ROR2: variants seen among roughly 807,000 people sequenced by gnomAD.
The protein encoded by ROR2 is ROR family WNT receptor 2.
ROR2 carries 33 observed loss-of-function variants against 74.9 expected under a neutral mutation model. The ratio of observed to expected loss-of-function variants is 0.44; its 90% confidence interval spans 0.33 to 0.59. The LOEUF (loss-of-function observed/expected upper bound fraction) is 0.59, where lower values mean the gene tolerates loss of function less well. Among genes scored for constraint, ROR2 ranks in the 20% least tolerant of loss-of-function variants. The pLI, the probability that ROR2 is intolerant of heterozygous loss-of-function variation, is 0.02. For missense variants in ROR2, 1,216 were observed against 1,313.8 expected (o/e 0.93, Z 1.15); for synonymous variants, 586 against 558.7 (o/e 1.05, Z -0.69).
At chr9:91,728,456 A>C (rs933246062) in intron 7 of ROR2, among the ~76,000 whole-genome samples, 2 of 152,152 alleles carry the variant, frequency 1.3e-5, no homozygotes, top group Non-Finnish European at 2.9e-5. Flanking sequence ...TTTGAGATGG[A>C]GTCTCGCTCT....
intron 1 of ROR2, among the ~76,000 whole-genome samples, chr9:91,818,715 G>A (rs1273177472): frequency 6.6e-6 from 1 of 152,180 alleles, no homozygotes; most frequent in Non-Finnish European, 1.5e-5. Context: ...AGAACAGAGT[G>A]GGCTCAGGGG....
At chr9:91,854,821 T>C (rs1018396970) in intron 1 of ROR2, among the ~76,000 whole-genome samples, 1 of 152,224 alleles carries the variant, frequency 6.6e-6, no homozygotes, top group African/African-American at 2.4e-5. Context: ...AAGGTTTGAA[T>C]GGTAGAGTGC....
At chr9:91,879,881 C>T (rs922968670) in intron 1 of ROR2, among the ~76,000 whole-genome samples, 1 of 152,018 alleles carries the variant, frequency 6.6e-6, no homozygotes, top group Non-Finnish European at 1.5e-5. Context: ...GAGCTTTTTG[C>T]CTCTGCTTGC....
chr9:91,786,830 A>C (rs756572251), intron 1 of ROR2, among the ~76,000 whole-genome samples: 1 of 152,168 alleles, frequency 6.6e-6, no homozygotes, highest in Non-Finnish European at 1.5e-5. Context: ...GCTGACTATA[A>C]CTGCAGTCAA....
At position 91,907,081 on chromosome 9, in the gene ROR2, T is replaced by C. The variant is rs540749279; in HGVS notation, c.97+42786A>G. ...ATTGGATTTCATCTATCTTTTTTTT[T>C]AATTGAGGGAGACAAATTGGCAGGG... On this transcript the variant is annotated intron_variant, in intron 1 of 8. Transcript: ENST00000375708. 9.9e-5 allele frequency among the ~76,000 whole-genome samples: 15 copies of C among 152,254 alleles called. No homozygotes were observed. The East Asian group carries it at 2.3e-3, about 23-fold the overall frequency.
At chr9:91,922,655 A>C (rs1391317441) in intron 1 of ROR2, among the ~76,000 whole-genome samples, 1 of 152,030 alleles carries the variant, frequency 6.6e-6, no homozygotes, top group Non-Finnish European at 1.5e-5. Context: ...GGATTTCACC[A>C]TGTTAGTCAG....
intron 1 of ROR2, among the ~76,000 whole-genome samples, chr9:91,914,695 C>T (rs1048728759): frequency 6.6e-6 from 1 of 152,154 alleles, no homozygotes; most frequent in African/African-American, 2.4e-5. Context: ...TGGTCAGAAC[C>T]AGGACCTGCA....
intron 1 of ROR2, among the ~76,000 whole-genome samples, chr9:91,927,005 T>C (rs149456021): frequency 1.6e-3 from 245 of 152,344 alleles, no homozygotes; most frequent in African/African-American, 5.7e-3. Context: ...GCACATTCTA[T>C]GTTTTGTGTA....
chr9:91,820,093 A>G (rs2119143204), intron 1 of ROR2, among the ~76,000 whole-genome samples: 2 of 152,342 alleles, frequency 1.3e-5, no homozygotes, highest in South Asian at 2.1e-4. Context: ...CTTCAACACT[A>G]CAGCTATCTT....
chr9:91,739,929 C>T (rs1455934658), intron 4 of ROR2, among the ~76,000 whole-genome samples: 1 of 152,214 alleles, frequency 6.6e-6, no homozygotes, highest in Non-Finnish European at 1.5e-5. Context: ...GAGGCGGGCT[C>T]AGGGTGCTTT....
chr9:91,848,761 GAAGAAAA>G (rs1311520132), intron 1 of ROR2, among the ~76,000 whole-genome samples: 1 of 96,632 alleles, frequency 1.0e-5, no homozygotes, highest in African/African-American at 4.3e-5. Flanking sequence ...TCTCAGGGGG[GAAGAAAA>G]AAAAAAAAAA....
intron 1 of ROR2, among the ~76,000 whole-genome samples, chr9:91,802,213 A>G (rs1827410689): frequency 6.6e-6 from 1 of 151,676 alleles, no homozygotes; most frequent in African/African-American, 2.4e-5. Flanking sequence ...AGCTGGGACT[A>G]CAGGCGCCCG....
At chr9:91,771,175 G>T (rs1382114839) in intron 2 of ROR2, among the ~76,000 whole-genome samples, 2 of 152,214 alleles carry the variant, frequency 1.3e-5, no homozygotes, top group Admixed American at 1.3e-4. Flanking sequence ...TCCCCCTGCT[G>T]GCTGCAGTGT....
chr9:91,765,243 T>C (rs1329564295), intron 2 of ROR2, among the ~76,000 whole-genome samples: 1 of 152,254 alleles, frequency 6.6e-6, no homozygotes, highest in Non-Finnish European at 1.5e-5. Flanking sequence ...CCCTGTAACA[T>C]ACCCATCAAG....
chr9:91,818,670 A>G (rs1334010526), intron 1 of ROR2, among the ~76,000 whole-genome samples: 1 of 152,242 alleles, frequency 6.6e-6, no homozygotes, highest in African/African-American at 2.4e-5. Context: ...ACGCTGGCAT[A>G]GTAAGCCTAA....
chr9:91,740,323 A>C (rs765065486), intron 4 of ROR2, among the ~76,000 whole-genome samples: 3 of 151,976 alleles, frequency 2.0e-5, no homozygotes, highest in East Asian at 1.9e-4. Flanking sequence ...CCAAGGTGGG[A>C]GGATCACAAG....
chr9:91,948,913 G>A lies in ROR2; in HGVS notation c.97+954C>T, dbSNP rs568000265. On this transcript the variant is annotated intron_variant, in intron 1 of 8. Transcript: ENST00000375708. ...CGGGCGGGAGGTGCTCCCGGAGTCT[G>A]CACCGCCAGAGCTAACGCCGCCTCC... 4.1e-6 allele frequency: 4 copies of A among 985,286 alleles called. No homozygotes were observed. The East Asian group carries it at 3.4e-4, about 84-fold the overall frequency. The allele number at this position is 985,286 out of a possible 1,614,324, so 61.0% of individuals were successfully genotyped here.
chr9:91,898,129 G>A (rs978069380), intron 1 of ROR2, among the ~76,000 whole-genome samples: 1 of 152,134 alleles, frequency 6.6e-6, no homozygotes, highest in Non-Finnish European at 1.5e-5. Context: ...CACCGGTTCT[G>A]GAAAGAAAGT....
chr9:91,840,652 C>T (rs1448131329), intron 1 of ROR2, among the ~76,000 whole-genome samples: 1 of 152,180 alleles, frequency 6.6e-6, no homozygotes, highest in South Asian at 2.1e-4. Flanking sequence ...ATCTGCCCAG[C>T]GCACAGGGAA....
Sources: allele counts gnomAD v4.1 joint callset (sites outside exome capture counted in the v4.1 genomes callset), GRCh38; gene constraint gnomAD v4.1.1; transcripts MANE v1.5; gene names NCBI Gene and HGNC (gene_info 2026-07-23, HGNC 2026-07-21).